Variants in SIMC1 observed in about 807,000 individuals in gnomAD.
SIMC1 encodes SUMO interacting motifs containing 1.
Under a neutral mutation model 82.3 loss-of-function variants are expected in SIMC1, and 55 were observed. The observed-to-expected ratio is 0.67, with a 90% CI of 0.54 to 0.84. The LOEUF (loss-of-function observed/expected upper bound fraction) is 0.84. Among genes scored for constraint, SIMC1 ranks in the 40% least tolerant of loss-of-function variants. SIMC1 has a pLI of 0.00. For synonymous variants in SIMC1, 353 were observed against 426.3 expected, an observed-to-expected ratio of 0.83 and a Z score of 2.12; for missense variants, 915 against 1,107.2, an observed-to-expected ratio of 0.83 and a Z score of 2.46.
At chr5:176,273,475 TG>T (rs1276077836) in intron 1 of SIMC1, among the ~76,000 whole-genome samples, 1 of 152,078 alleles carries the variant, frequency 6.6e-6, no homozygotes, top group Non-Finnish European at 1.5e-5. Context: ...ACCACAAAGA[TG>T]GGGAGAAACC....
At chr5:176,334,405 T>G (rs910207466) in intron 7 of SIMC1, among the ~76,000 whole-genome samples, 3 of 152,194 alleles carry the variant, frequency 2.0e-5, no homozygotes, top group Admixed American at 2.0e-4. Flanking sequence ...TTCTTGAGGC[T>G]TAATCTTTCT....
intron 4 of SIMC1, among the ~76,000 whole-genome samples, chr5:176,300,847 C>G (rs1385151680): frequency 6.6e-6 from 1 of 151,950 alleles, no homozygotes; most frequent in South Asian, 2.1e-4. Flanking sequence ...ACTGGATAAC[C>G]TAGAATAAAT....
chr5:176,255,478 G>T (rs1761821197), intron 1 of SIMC1, among the ~76,000 whole-genome samples: 1 of 151,794 alleles, frequency 6.6e-6, no homozygotes. Context: ...AGCTACTATG[G>T]AGGCTGAGAA....
At chr5:176,317,115 A>C (rs997976297) in intron 5 of SIMC1, among the ~76,000 whole-genome samples, 9 of 152,242 alleles carry the variant, frequency 5.9e-5, no homozygotes, top group African/African-American at 1.9e-4. Flanking sequence ...AAAATGAGCT[A>C]TCTTTGATTC....
intron 7 of SIMC1, among the ~76,000 whole-genome samples, chr5:176,325,880 G>C (rs1051450375): frequency 6.6e-6 from 1 of 152,106 alleles, no homozygotes; most frequent in Non-Finnish European, 1.5e-5. Flanking sequence ...AATGAAAAGA[G>C]TTGGACCTAT....
intron 4 of SIMC1, among the ~76,000 whole-genome samples, chr5:176,305,142 G>GGT: frequency 7.8e-6 from 1 of 128,418 alleles, no homozygotes; most frequent in African/African-American, 2.7e-5. Flanking sequence ...CAGGAGGGGG[G>GGT]GGGGGTCAGC....
chr5:176,292,049 C>CT (rs1206365648), intron 2 of SIMC1, among the ~76,000 whole-genome samples: 1 of 152,176 alleles, frequency 6.6e-6, no homozygotes, highest in Non-Finnish European at 1.5e-5. Flanking sequence ...GAGCAAGACT[C>CT]TGTCTCAAAA....
intron 5 of SIMC1, among the ~76,000 whole-genome samples, chr5:176,320,779 G>A (rs962381566): frequency 6.6e-6 from 1 of 151,972 alleles, no homozygotes; most frequent in Non-Finnish European, 1.5e-5. Flanking sequence ...GATTAAATAG[G>A]ATAGCTCTTC....
intron 7 of SIMC1, among the ~76,000 whole-genome samples, chr5:176,333,121 C>G (rs573627487): frequency 5.9e-5 from 9 of 151,956 alleles, no homozygotes; most frequent in Admixed American, 5.9e-4. Flanking sequence ...CTGGCCAACA[C>G]GGTGAAACCC....
At chr5:176,342,529 C>G (rs1350293290) in intron 9 of SIMC1, among the ~76,000 whole-genome samples, 1 of 152,192 alleles carries the variant, frequency 6.6e-6, no homozygotes, top group African/African-American at 2.4e-5. Flanking sequence ...GTTCCAGAGG[C>G]TGGGAAGTCC....
At chr5:176,345,084 A>T in intron 9 of SIMC1, 99 bp from the exon 10 acceptor site, 1 of 1,464,290 alleles carries the variant, frequency 6.8e-7, no homozygotes, top group Non-Finnish European at 9.2e-7. Context: ...GTAGCTAGTC[A>T]GCAAGTCTTT....
At chr5:176,297,087 A>G (rs1293489184) in intron 4 of SIMC1, among the ~76,000 whole-genome samples, 1 of 152,220 alleles carries the variant, frequency 6.6e-6, no homozygotes. Context: ...GATGTGGGCT[A>G]TTGGATATTT....
intron 4 of SIMC1, among the ~76,000 whole-genome samples, chr5:176,306,254 T>C (rs1581285043): frequency 1.1e-5 from 1 of 93,416 alleles, no homozygotes; most frequent in Non-Finnish European, 2.3e-5. Context: ...GAGGAGCCCC[T>C]CTGCCCGGCC....
At chr5:176,248,659 A>G (rs1761535221) in intron 1 of SIMC1, among the ~76,000 whole-genome samples, 1 of 152,144 alleles carries the variant, frequency 6.6e-6, no homozygotes, top group South Asian at 2.1e-4. Context: ...TGGAGTGGTG[A>G]GAGAGGGCAT....
intron 1 of SIMC1, among the ~76,000 whole-genome samples, chr5:176,287,113 G>T (rs1378948266): frequency 1.3e-5 from 2 of 152,184 alleles, no homozygotes; most frequent in Non-Finnish European, 1.5e-5. Flanking sequence ...ATTTGACCCA[G>T]CCATCCCATT....
At chr5:176,320,514 AC>A (rs1415214276) in intron 5 of SIMC1, among the ~76,000 whole-genome samples, 1 of 151,984 alleles carries the variant, frequency 6.6e-6, no homozygotes, top group Non-Finnish European at 1.5e-5. Flanking sequence ...GACTACTGGC[AC>A]GTGCCACCAC....
chr5:176,248,926 C>T (rs1761548744), intron 1 of SIMC1, among the ~76,000 whole-genome samples: 1 of 152,104 alleles, frequency 6.6e-6, no homozygotes, highest in African/African-American at 2.4e-5. Context: ...TATGTTGATC[C>T]AGCCTTGCAT....
At chr5:176,297,931 G>A (rs1281357510) in intron 4 of SIMC1, among the ~76,000 whole-genome samples, 1 of 152,134 alleles carries the variant, frequency 6.6e-6, no homozygotes, top group South Asian at 2.1e-4. Flanking sequence ...AGCACACCTA[G>A]GAAGCAGTTA....
chr5:176,308,239 G>C, intron 4 of SIMC1: 1 of 1,541,328 alleles, frequency 6.5e-7, no homozygotes, highest in Non-Finnish European at 8.9e-7. Context: ...GAACTGAAAT[G>C]CGCACAGTTG....
Sources: gnomAD v4.1 joint callset for allele counts (sites outside exome capture counted in the v4.1 genomes callset) on GRCh38, gnomAD v4.1.1 for gene constraint, MANE v1.5 for transcripts, NCBI Gene and HGNC (gene_info 2026-07-23, HGNC 2026-07-21) for gene names.